ASPRV1: variants seen among roughly 807,000 people sequenced by gnomAD.
The protein encoded by ASPRV1 is aspartic peptidase retroviral like 1.
Under a neutral mutation model 11.0 loss-of-function variants are expected in ASPRV1, and 7 were observed. That is an observed-to-expected ratio of 0.64 (90% CI 0.36 to 1.20). The LOEUF (loss-of-function observed/expected upper bound fraction) is 1.20, where lower values mean the gene tolerates loss of function less well. ASPRV1 is among the 50% of genes most tolerant of loss of function. The pLI is 0.02. For missense variants in ASPRV1, 299 were observed against 320.0 expected, an observed-to-expected ratio of 0.93 and a Z score of 0.50; for synonymous variants, 136 against 138.4, an observed-to-expected ratio of 0.98 and a Z score of 0.12.
upstream of ASPRV1, chr2:69,961,927 C>T: frequency 2.3e-6 from 1 of 438,766 alleles, no homozygotes; most frequent in Non-Finnish European, 4.2e-6. Flanking sequence ...TATTTGTCAT[C>T]AGCCAGTGAA....
chr2:69,960,465 G>C lies in ASPRV1; in HGVS notation c.*192C>G, dbSNP rs1315873540. On this transcript the variant is annotated 3_prime_UTR_variant, in exon 1 of 1. Coordinates refer to ENST00000320256, the MANE Select transcript of ASPRV1 (RefSeq NM_152792.4). ...TAAGCCAGCCTGCTCTCCCTCACCT[G>C]TGCCTGTTCAGTGGAAGCCTCCCCT... 3 of 616,862 alleles carry C rather than the reference G, an allele frequency of 4.9e-6. No individual in the cohort carries two copies. The highest frequency in any genetic ancestry group is 5.5e-5 in the East Asian group (2 of 36,190). The allele number at this position is 616,862 out of a possible 1,614,324, so 38.2% of individuals were successfully genotyped here.
chr2:70,020,501 G>C, the ASPRV1 span, among the ~76,000 whole-genome samples: 1 of 152,186 alleles, frequency 6.6e-6, no homozygotes, highest in African/African-American at 2.4e-5. Flanking sequence ...CCACCACTTC[G>C]AGAGGCAGAG....
chr2:69,959,695 C>T (rs1220826017), downstream of ASPRV1, among the ~76,000 whole-genome samples: 2 of 152,188 alleles, frequency 1.3e-5, no homozygotes, highest in African/African-American at 4.8e-5. Context: ...TTTCTGCCTC[C>T]AAGTTCTCGC....
At chr2:69,973,630 G>A in the ASPRV1 span, among the ~76,000 whole-genome samples, 3 of 152,236 alleles carry the variant, frequency 2.0e-5, no homozygotes, top group Non-Finnish European at 2.9e-5. Flanking sequence ...TCACAGGCAA[G>A]AGCCACTGCA....
At chr2:69,987,582 CAAAAAAAA>C in the ASPRV1 span, among the ~76,000 whole-genome samples, 1 of 48,358 alleles carries the variant, frequency 2.1e-5, no homozygotes, top group East Asian at 5.7e-4. Context: ...CTCATCTCTA[CAAAAAAAA>C]AAAAAAAAAA....
the ASPRV1 span, chr2:70,046,300 G>A: frequency 8.3e-4 from 127 of 152,290 alleles, 1 homozygote; most frequent in Non-Finnish European, 1.6e-3. Flanking sequence ...TGTGCAGGAG[G>A]CCTGGACCTT....
upstream of ASPRV1, chr2:69,961,819 A>G: frequency 9.6e-7 from 1 of 1,043,408 alleles, no homozygotes; most frequent in East Asian, 2.4e-5. Flanking sequence ...ACATCCCAAG[A>G]AAGGCCAGCC....
At chr2:70,079,875 A>T in the ASPRV1 span, among the ~76,000 whole-genome samples, 1 of 152,186 alleles carries the variant, frequency 6.6e-6, no homozygotes, top group Admixed American at 6.5e-5. Flanking sequence ...TGTCTCAGAA[A>T]TACAAAAAGC....
chr2:70,020,733 A>G, the ASPRV1 span, among the ~76,000 whole-genome samples: 38 of 152,154 alleles, frequency 2.5e-4, no homozygotes, highest in Non-Finnish European at 4.4e-4. Context: ...AAAAAACAAA[A>G]AAGACATTGT....
the ASPRV1 span, among the ~76,000 whole-genome samples, chr2:69,953,275 C>T: frequency 6.6e-6 from 1 of 152,192 alleles, no homozygotes; most frequent in African/African-American, 2.4e-5. Flanking sequence ...ATGCAGAGGG[C>T]AGATCTGGTT....
At chr2:70,021,173 C>A in the ASPRV1 span, among the ~76,000 whole-genome samples, 2 of 152,064 alleles carry the variant, frequency 1.3e-5, no homozygotes, top group Non-Finnish European at 2.9e-5. Context: ...CTGTAACTGG[C>A]TTGTTTCACT....
At chr2:70,024,503 G>T in the ASPRV1 span, among the ~76,000 whole-genome samples, 1 of 152,164 alleles carries the variant, frequency 6.6e-6, no homozygotes, top group Non-Finnish European at 1.5e-5. Flanking sequence ...GAGCCAGGAT[G>T]CCAAGAAATC....
chr2:70,050,650 TA>T, the ASPRV1 span: 1 of 152,114 alleles, frequency 6.6e-6, no homozygotes, highest in Non-Finnish European at 1.5e-5. Context: ...TAAAAAAAAT[TA>T]TTGGAAAAAA....
chr2:69,974,507 CAT>C, the ASPRV1 span, among the ~76,000 whole-genome samples: 1 of 152,154 alleles, frequency 6.6e-6, no homozygotes, highest in Non-Finnish European at 1.5e-5. Context: ...ACAATCAGCT[CAT>C]AGGAACTGGT....
the ASPRV1 span, among the ~76,000 whole-genome samples, chr2:69,985,967 G>A: frequency 6.6e-6 from 1 of 152,184 alleles, no homozygotes; most frequent in Non-Finnish European, 1.5e-5. Flanking sequence ...GAATTTGGAG[G>A]GGAAGTTTGG....
At chr2:70,016,727 C>T in the ASPRV1 span, among the ~76,000 whole-genome samples, 1 of 151,984 alleles carries the variant, frequency 6.6e-6, no homozygotes, top group Non-Finnish European at 1.5e-5. Flanking sequence ...GCCTGTAATC[C>T]CAGCTACTCA....
the ASPRV1 span, among the ~76,000 whole-genome samples, chr2:70,023,549 T>C: frequency 6.6e-6 from 1 of 151,976 alleles, no homozygotes; most frequent in African/African-American, 2.4e-5. Flanking sequence ...GGCACACACC[T>C]GTAATCCCAG....
the ASPRV1 span, among the ~76,000 whole-genome samples, chr2:70,060,630 C>T: frequency 6.6e-5 from 10 of 151,566 alleles, no homozygotes; most frequent in African/African-American, 1.7e-4. Context: ...CTGACCACCA[C>T]GGTGAAACCC....
the ASPRV1 span, chr2:69,935,572 T>A: frequency 4.1e-6 from 3 of 735,892 alleles, no homozygotes; most frequent in Middle Eastern, 2.3e-4. Context: ...CCAGTCTAGC[T>A]ATTGGATGAA....
Sources: allele counts gnomAD v4.1 joint callset (sites outside exome capture counted in the v4.1 genomes callset), GRCh38; gene constraint gnomAD v4.1.1; transcripts MANE v1.5; gene names NCBI Gene and HGNC (gene_info 2026-07-23, HGNC 2026-07-21).